FAM177A1: variants seen among roughly 807,000 people sequenced by gnomAD.
FAM177A1 encodes the protein protein FAM177A1.
Under a neutral mutation model 26.1 loss-of-function variants are expected in FAM177A1, and 22 were observed. That is an observed-to-expected ratio of 0.84 (90% CI 0.60 to 1.20). FAM177A1 has a LOEUF of 1.20. Ranked by LOEUF, FAM177A1 falls within the 50% of genes most tolerant of loss-of-function variation. The probability of loss-of-function intolerance (pLI) is 0.00; values close to 1 mark genes in which losing one functional copy is unlikely to be tolerated. For synonymous variants in FAM177A1, 95 were observed against 99.3 expected, an observed-to-expected ratio of 0.96 and a Z score of 0.26; for missense variants, 296 against 291.1, an observed-to-expected ratio of 1.02 and a Z score of -0.12.
intron 4 of FAM177A1, 91 bp downstream of exon 4, chr14:35,079,115 C>A: frequency 1.2e-6 from 1 of 809,604 alleles, no homozygotes. Context: ...TCTAACTGCC[C>A]AACATGTAGC....
intron 1 of FAM177A1, among the ~76,000 whole-genome samples, chr14:35,052,461 G>T (rs915213224): frequency 6.6e-6 from 1 of 151,584 alleles, no homozygotes; most frequent in South Asian, 2.1e-4. Context: ...CGCCTGCCTC[G>T]GCCTCCCAAA....
At chr14:35,055,344 C>CA (rs1361517251) in intron 2 of FAM177A1, among the ~76,000 whole-genome samples, 1 of 45,914 alleles carries the variant, frequency 2.2e-5, no homozygotes, top group East Asian at 6.2e-4. Flanking sequence ...AGAAAATATT[C>CA]AAAGATTGTA....
chr14:35,077,141 T>C lies in FAM177A1; in HGVS notation c.340-9T>C. Reference sequence around the variant, plus strand: ...GTATGAATGTTGCTAACATGATTTCTTGTTGCAGACAAAACTTACCTGGGG... The same window carrying C: ...GTATGAATGTTGCTAACATGATTTCCTGTTGCAGACAAAACTTACCTGGGG... On this transcript the variant is annotated splice_polypyrimidine_tract_variant and intron_variant, in intron 2 of 4. Coordinates refer to ENST00000280987, the MANE Select transcript of FAM177A1 (RefSeq NM_173607.5). 1 of 1,610,670 alleles carries C rather than the reference T, an allele frequency of 6.2e-7. No individual in the cohort carries two copies. The highest frequency in any genetic ancestry group is 1.1e-5 in the South Asian group (1 of 91,002).
At chr14:35,076,639 G>A (rs1286357016) in intron 2 of FAM177A1, among the ~76,000 whole-genome samples, 1 of 151,896 alleles carries the variant, frequency 6.6e-6, no homozygotes, top group Non-Finnish European at 1.5e-5. Context: ...TTATCTTGCC[G>A]CTTATTTGTC....
chr14:35,080,925 T>C, intron 4 of FAM177A1, 97 bp from the exon 5 acceptor site: 1 of 1,375,838 alleles, frequency 7.3e-7, no homozygotes, highest in South Asian at 1.9e-5. Context: ...TTTTTTTTTT[T>C]TTTTTTTAAA....
rs893659385 is a variant in FAM177A1 at position 35,053,292 on chromosome 14, A to C, written c.180A>C (p.Arg60Ser). ...GESAGQMSNE[R>S]GFENVELGVI... is the part of the protein sequence containing the mutation. ...CGTTGATATAGATGAGTAACGAAAG[A>C]GGCTTTGAAAATGTAGAACTGGGAG... The change falls in exon 2 of 5, where the codon AGA (arginine) becomes AGC (serine). Residue 60 changes from arginine to serine, a missense_variant. Coordinates refer to ENST00000280987, the MANE Select transcript of FAM177A1 (RefSeq NM_173607.5). 6.2e-7 allele frequency: 1 copy of C among 1,610,430 alleles called. No individual in the cohort carries two copies. Among genetic ancestry groups the C allele is most frequent in the Non-Finnish European group, 8.5e-7 (1 of 1,179,248 alleles).
chr14:35,062,442 C>G (rs1213288631), intron 2 of FAM177A1, among the ~76,000 whole-genome samples: 1 of 152,150 alleles, frequency 6.6e-6, no homozygotes, highest in African/African-American at 2.4e-5. Flanking sequence ...ATTTTCTTCA[C>G]TGAGAGGTAC....
chr14:35,065,064 TA>T (rs2045220479), intron 2 of FAM177A1, among the ~76,000 whole-genome samples: 1 of 146,574 alleles, frequency 6.8e-6, no homozygotes, highest in South Asian at 2.2e-4. Context: ...TCTGTCACCA[TA>T]TTTTTTTTTG....
upstream of FAM177A1, chr14:35,045,283 G>T (rs75247375): frequency 6.6e-6 from 1 of 152,200 alleles, no homozygotes; most frequent in South Asian, 2.1e-4. Context: ...TTTTTAAGGC[G>T]TAGATGGTTT....
intron 2 of FAM177A1, among the ~76,000 whole-genome samples, chr14:35,073,504 C>A (rs563282993): frequency 6.6e-6 from 1 of 152,278 alleles, no homozygotes; most frequent in East Asian, 1.9e-4. Context: ...CACTTTGACA[C>A]CTTCAGTGTT....
chr14:35,065,927 C>T lies in FAM177A1; in HGVS notation c.340-11223C>T, dbSNP rs572133930. ...GACTGGTCAACAGGAGTTGGCCAGA[C>T]TCCTGACCTCGTAATCCACCCACCT... On this transcript the variant is annotated intron_variant, in intron 2 of 4. Transcript: ENST00000280987. Among the ~76,000 whole-genome samples, 3 of 152,156 alleles carry T rather than the reference C, an allele frequency of 2.0e-5. No homozygotes were observed. The South Asian group carries it at 6.2e-4, about 32-fold the overall frequency.
rs2045500851 is a variant in FAM177A1 at position 35,082,536 on chromosome 14, TACACACACACAGACAC to T, written c.*1320_*1335del. The T allele has an allele frequency of 6.7e-6, 1 of 148,772 alleles. No homozygotes were observed. Among genetic ancestry groups the T allele is most frequent in the Non-Finnish European group, 1.5e-5 (1 of 67,154 alleles). 9.2% of individuals were successfully genotyped at this position (148,772 alleles called of 1,614,324 possible). A position where few individuals can be genotyped will look rare whatever the true frequency, so the allele number is the denominator to read the frequency against. On this transcript the variant is annotated 3_prime_UTR_variant, in exon 5 of 5. Coordinates refer to ENST00000280987, the MANE Select transcript of FAM177A1 (RefSeq NM_173607.5). ...TTGGGGGGAAAAAAGTATATATATATACACACACACAGACACACACACACACACATATATCTCTAAA... is the reference window on the plus strand; with the variant it reads ...TTGGGGGGAAAAAAGTATATATATATACACACACACACATATATCTCTAAA...
chr14:35,058,296 C>T (rs1281281140), intron 2 of FAM177A1, among the ~76,000 whole-genome samples: 2 of 152,088 alleles, frequency 1.3e-5, no homozygotes, highest in Admixed American at 6.6e-5. Flanking sequence ...GATCTCTTGA[C>T]CTCATGATCC....
intron 2 of FAM177A1, among the ~76,000 whole-genome samples, chr14:35,073,635 C>A (rs2045354936): frequency 6.6e-6 from 1 of 152,152 alleles, no homozygotes; most frequent in African/African-American, 2.4e-5. Flanking sequence ...GGAACCAATC[C>A]AGGAAAAGGG....
chr14:35,065,355 ATC>A (rs762157474), intron 2 of FAM177A1, among the ~76,000 whole-genome samples: 47 of 135,248 alleles, frequency 3.5e-4, no homozygotes, highest in African/African-American at 1.2e-3. Context: ...TTTCCATTGA[ATC>A]TTTTTTTTTT....
chr14:35,076,195 A>G (rs1253677939), intron 2 of FAM177A1, among the ~76,000 whole-genome samples: 2 of 152,226 alleles, frequency 1.3e-5, no homozygotes, highest in Admixed American at 1.3e-4. Flanking sequence ...ACCAACCCAA[A>G]TGTCCATCAA....
intron 2 of FAM177A1, among the ~76,000 whole-genome samples, chr14:35,076,023 A>G (rs1317122644): frequency 6.6e-6 from 1 of 152,244 alleles, no homozygotes; most frequent in East Asian, 1.9e-4. Context: ...CCATTGTGGA[A>G]GACAGTGTGG....
intron 1 of FAM177A1, among the ~76,000 whole-genome samples, chr14:35,047,448 G>T (rs947022156): frequency 3.9e-5 from 6 of 152,120 alleles, no homozygotes; most frequent in African/African-American, 1.4e-4. Flanking sequence ...ATTGGACAGC[G>T]CTGGTTTAGA....
In FAM177A1 at chr14:35,046,516, C is replaced by G; in HGVS notation, c.53C>G (p.Pro18Arg). The change falls in exon 1 of 5, where the codon CCT becomes CGT. Residue 18 changes from proline to arginine, a missense_variant. By Grantham distance (103) the Pro-to-Arg change is moderately radical (BLOSUM62 -2). Transcript: ENST00000280987. ...CTCTTTCTCACCAGCGCCAGCAGCCCTGTGGTGGCGACGACGATGGACCAG... is the reference window on the plus strand; with the variant it reads ...CTCTTTCTCACCAGCGCCAGCAGCCGTGTGGTGGCGACGACGATGGACCAG... ...ITLFLTSASS[P>R]VVATTMDQEP... is the part of the protein sequence containing the mutation. 3 of 1,603,996 alleles carry G rather than the reference C, an allele frequency of 1.9e-6. No individual in the cohort carries two copies. Among genetic ancestry groups the G allele is most frequent in the East Asian group, 2.3e-5 (1 of 44,334 alleles).
Sources: allele counts gnomAD v4.1 joint callset (sites outside exome capture counted in the v4.1 genomes callset), GRCh38; gene constraint gnomAD v4.1.1; transcripts MANE v1.5; gene names NCBI Gene and HGNC (gene_info 2026-07-23, HGNC 2026-07-21).